STK24: variants seen among roughly 807,000 people sequenced by gnomAD.
STK24 encodes the protein serine/threonine-protein kinase 24.
A neutral mutation model predicts 55.6 loss-of-function variants in STK24; 21 were observed. The ratio of observed to expected loss-of-function variants is 0.38; its 90% CI spans 0.27 to 0.54. STK24 has a LOEUF of 0.54. Ranked by LOEUF, STK24 falls within the 20% of genes least tolerant of loss-of-function variation. The probability of loss-of-function intolerance (pLI) is 0.79; values close to 1 mark genes in which losing one functional copy is unlikely to be tolerated. For missense variants in STK24, 383 were observed against 538.4 expected (o/e 0.71, Z 2.86); for synonymous variants, 200 against 215.2 (o/e 0.93, Z 0.62).
intron 2 of STK24, among the ~76,000 whole-genome samples, chr13:98,513,181 G>A (rs1254624291): frequency 6.6e-6 from 1 of 152,228 alleles, no homozygotes; most frequent in Non-Finnish European, 1.5e-5. Context: ...CATGATGCTG[G>A]CAAAGCCTGC....
In STK24 at chr13:98,493,564, A is replaced by G. The variant is rs191818189; in HGVS notation, c.274-11243T>C. On this transcript the variant is annotated intron_variant, in intron 2 of 10. Coordinates refer to ENST00000539966, the MANE Select transcript of STK24 (RefSeq NM_001032296.4). ...AAATGATCATCAACTGCCAAGTCAG[A>G]TAAGTTCCATGCCATCATCTTGCTA... Among the ~76,000 whole-genome samples, 7 of 152,332 alleles carry G rather than the reference A, an allele frequency of 4.6e-5. No homozygotes were observed. The East Asian group carries it at 9.6e-4, about 21-fold the overall frequency.
chr13:98,521,885 A>C, intron 1 of STK24: 1 of 863,612 alleles, frequency 1.2e-6, no homozygotes, highest in Non-Finnish European at 2.0e-6. Flanking sequence ...CTTCGTCAGT[A>C]ACCCCCTTCT....
chr13:98,468,892 G>A lies in STK24; in HGVS notation c.598-2331C>T, dbSNP rs116942143. ...TGAAACACAACAAATTATTAACTAC[G>A]GTCACCCTATTGTGCTACTGAACAT... On this transcript the variant is annotated intron_variant, in intron 5 of 10. Coordinates refer to ENST00000539966, the MANE Select transcript of STK24 (RefSeq NM_001032296.4). Among the ~76,000 whole-genome samples the A allele has an allele frequency of 2.9e-3, 447 of 152,176 alleles. 2 individuals are homozygous for A. Among genetic ancestry groups the A allele is most frequent in the Non-Finnish European group, 5.0e-3 (343 of 68,016 alleles).
At chr13:98,476,240 G>GCCCCCC (rs138129188) in intron 3 of STK24, among the ~76,000 whole-genome samples, 30 of 141,590 alleles carry the variant, frequency 2.1e-4, no homozygotes, top group Admixed American at 2.8e-4. Flanking sequence ...CAGACGGGAA[G>GCCCCCC]CCCCCCCCCG....
chr13:98,508,167 G>GA (rs146171051), intron 2 of STK24, among the ~76,000 whole-genome samples: 24,757 of 151,194 alleles, frequency 0.16, 2,501 homozygotes, highest in Non-Finnish European at 0.23. Context: ...GCTAATAGAA[G>GA]AAAAAAAATA....
intron 1 of STK24, among the ~76,000 whole-genome samples, chr13:98,520,505 G>A (rs1231026756): frequency 6.6e-6 from 1 of 152,204 alleles, no homozygotes; most frequent in African/African-American, 2.4e-5. Flanking sequence ...ACTAGGAAAA[G>A]GAACAAGCAC....
intron 10 of STK24, chr13:98,454,645 G>C (rs1893365584): frequency 6.6e-6 from 1 of 152,216 alleles, no homozygotes; most frequent in Non-Finnish European, 1.5e-5. Flanking sequence ...CTTCAGAGGA[G>C]AGGCGGCTCT....
intron 1 of STK24, among the ~76,000 whole-genome samples, chr13:98,549,924 C>T (rs1897119671): frequency 6.6e-6 from 1 of 152,294 alleles, no homozygotes; most frequent in East Asian, 1.9e-4. Context: ...ACCACAGTAG[C>T]TACCTATTTC....
chr13:98,503,532 A>AAAGGGC (rs768873791), intron 2 of STK24, among the ~76,000 whole-genome samples: 3 of 152,210 alleles, frequency 2.0e-5, no homozygotes, highest in African/African-American at 4.8e-5. Flanking sequence ...TCTCCAAAAG[A>AAAGGGC]AAGGGCAAGG....
At position 98,462,453 on chromosome 13, in the gene STK24, T is replaced by G. The variant is rs571118632; in HGVS notation, c.930-556A>C. 1.7e-3 allele frequency among the ~76,000 whole-genome samples: 258 copies of G among 152,202 alleles called. 4 individuals carry two copies. The South Asian group carries it at 0.017, about 10-fold the overall frequency. On this transcript the variant is annotated intron_variant, in intron 7 of 10. Coordinates refer to ENST00000539966, the MANE Select transcript of STK24 (RefSeq NM_001032296.4). ...TGTGCTGATCACTCCCTGTCCTGTA[T>G]GGGCCTCAGAGGCAATGAGCCCCAG... is the stretch of plus-strand genomic sequence containing the variant.
chr13:98,460,769 G>A lies in STK24; in HGVS notation c.1054-329C>T, dbSNP rs527709486. On this transcript the variant is annotated intron_variant, in intron 8 of 10. Transcript: ENST00000539966. ...AGAAGTGCTTTACTGGTTGGGCGTG[G>A]TGGCTCATGCCTGTCATTCCAACAC... Among the ~76,000 whole-genome samples, 5 of 152,220 alleles carry A rather than the reference G, an allele frequency of 3.3e-5. No homozygotes were observed. The South Asian group carries it at 1.0e-3, about 32-fold the overall frequency.
chr13:98,523,469 C>T (rs1188364559), intron 1 of STK24, among the ~76,000 whole-genome samples: 1 of 152,208 alleles, frequency 6.6e-6, no homozygotes, highest in Non-Finnish European at 1.5e-5. Context: ...GCCGCCCTGG[C>T]CCTTGAACCT....
intron 2 of STK24, among the ~76,000 whole-genome samples, chr13:98,499,320 C>T (rs2139340305): frequency 6.6e-6 from 1 of 152,244 alleles, no homozygotes; most frequent in Non-Finnish European, 1.5e-5. Flanking sequence ...TTCCCAGACG[C>T]ACGGCAGAGG....
At chr13:98,467,884 G>C (rs1225658964) in intron 5 of STK24, among the ~76,000 whole-genome samples, 1 of 152,208 alleles carries the variant, frequency 6.6e-6, no homozygotes, top group Non-Finnish European at 1.5e-5. Flanking sequence ...AATGAGGCAG[G>C]ACATAGTCCT....
intron 9 of STK24, among the ~76,000 whole-genome samples, chr13:98,459,213 G>T (rs1235091637): frequency 6.6e-6 from 1 of 152,242 alleles, no homozygotes; most frequent in Non-Finnish European, 1.5e-5. Context: ...TGAAGCGCAG[G>T]ATGGCGCTCA....
At position 98,575,033 on chromosome 13, in the gene STK24, G is replaced by A. The variant is rs144568641; in HGVS notation, c.42+1712C>T. 1.8e-3 allele frequency among the ~76,000 whole-genome samples: 276 copies of A among 152,184 alleles called. 1 individual carries two copies. Among genetic ancestry groups the A allele is most frequent in the Middle Eastern group, 6.8e-3 (2 of 294 alleles). On this transcript the variant is annotated intron_variant, in intron 1 of 10. Coordinates refer to ENST00000539966, the MANE Select transcript of STK24 (RefSeq NM_001032296.4). Reference sequence around the variant, plus strand: ...TGCTAGATTCCAACCTGATGAACACGGTATAAATATCAACCTAAAGGAAAT... The same window carrying A: ...TGCTAGATTCCAACCTGATGAACACAGTATAAATATCAACCTAAAGGAAAT...
intron 8 of STK24, 71 bp downstream of exon 8, chr13:98,461,703 T>C: frequency 3.1e-6 from 5 of 1,588,954 alleles, no homozygotes; most frequent in Non-Finnish European, 3.4e-6. Flanking sequence ...CACAGCAAGC[T>C]TCACACACAA....
chr13:98,458,997 C>T (rs1893586385), intron 9 of STK24, among the ~76,000 whole-genome samples: 1 of 152,178 alleles, frequency 6.6e-6, no homozygotes, highest in African/African-American at 2.4e-5. Context: ...CTGGAAAATC[C>T]AGGATATGAC....
intron 1 of STK24, among the ~76,000 whole-genome samples, chr13:98,557,833 G>C (rs1434171195): frequency 1.3e-5 from 2 of 152,082 alleles, no homozygotes; most frequent in Non-Finnish European, 2.9e-5. Flanking sequence ...CCTTAAGTCC[G>C]GCAGAATTGG....
Sources: gnomAD v4.1 joint callset for allele counts (sites outside exome capture counted in the v4.1 genomes callset) on GRCh38, gnomAD v4.1.1 for gene constraint, MANE v1.5 for transcripts, NCBI Gene and HGNC (gene_info 2026-07-23, HGNC 2026-07-21) for gene names.